The following GRM3 variants were observed in gnomAD, a reference collection of about 807,000 sequenced individuals.
GRM3 encodes glutamate metabotropic receptor 3.
GRM3 carries 26 observed loss-of-function variants against 70.5 expected under a neutral mutation model. The ratio of observed to expected loss-of-function variants is 0.37; its 90% CI spans 0.27 to 0.51. The LOEUF (loss-of-function observed/expected upper bound fraction) is 0.51, where lower values mean the gene tolerates loss of function less well. Ranked by LOEUF, GRM3 falls within the 20% of genes least tolerant of loss-of-function variation. GRM3 has a pLI of 0.93. For synonymous variants in GRM3, 443 were observed against 434.9 expected (o/e 1.02, Z -0.23); for missense variants, 859 against 1,123.8 (o/e 0.76, Z 3.37).
At chr7:86,692,105 T>G (rs1010617396) in intron 1 of GRM3, among the ~76,000 whole-genome samples, 2 of 152,180 alleles carry the variant, frequency 1.3e-5, no homozygotes, top group African/African-American at 2.4e-5. Flanking sequence ...ACAAAGGTAC[T>G]TTCACCTAGA....
rs1401970282 is a variant in GRM3, at chr7:86,668,167, G to A, written c.-141+23295G>A. 1.3e-5 allele frequency among the ~76,000 whole-genome samples: 2 copies of A among 152,104 alleles called. 1 individual carries two copies. The highest frequency in any genetic ancestry group is 4.1e-4 in the South Asian group (2 of 4,828). ...CATTATTTCAATTGTTGCTATGCTAGTAAGAGTAGCATGTTATAATATACT... is the reference window on the plus strand; with the variant it reads ...CATTATTTCAATTGTTGCTATGCTAATAAGAGTAGCATGTTATAATATACT... On this transcript the variant is annotated intron_variant, in intron 1 of 5. Coordinates refer to ENST00000361669, the MANE Select transcript of GRM3 (RefSeq NM_000840.3).
chr7:86,691,100 A>C (rs964659178), intron 1 of GRM3, among the ~76,000 whole-genome samples: 1 of 152,104 alleles, frequency 6.6e-6, no homozygotes, highest in Non-Finnish European at 1.5e-5. Flanking sequence ...TCTGAATTTC[A>C]CACTCCCTAG....
chr7:86,780,784 C>T (rs1269391960), intron 2 of GRM3, among the ~76,000 whole-genome samples: 10 of 152,034 alleles, frequency 6.6e-5, no homozygotes, highest in South Asian at 2.1e-4. Flanking sequence ...AGTCAGTAAA[C>T]GAATGTTTAT....
rs370395792 is a variant in GRM3 at position 86,704,606 on chromosome 7, G to A, written c.-141+59734G>A. Among the ~76,000 whole-genome samples, 71 of 151,766 alleles carry A rather than the reference G, an allele frequency of 4.7e-4. 2 individuals are homozygous for A. The South Asian group carries it at 0.011, about 24-fold the overall frequency. On this transcript the variant is annotated intron_variant, in intron 1 of 5. Coordinates refer to ENST00000361669, the MANE Select transcript of GRM3 (RefSeq NM_000840.3). ...AATGATGATTTATTCAACTTTAATC[G>A]GCTCAATATTAATTTCATGAATTTT... is the stretch of plus-strand genomic sequence containing the variant.
intron 1 of GRM3, among the ~76,000 whole-genome samples, chr7:86,737,132 A>C (rs1795881063): frequency 6.6e-6 from 1 of 152,184 alleles, no homozygotes; most frequent in African/African-American, 2.4e-5. Context: ...TGAAAACAGA[A>C]ATAAGCAAAA....
At chr7:86,733,035 C>T (rs536890346) in intron 1 of GRM3, among the ~76,000 whole-genome samples, 1 of 152,200 alleles carries the variant, frequency 6.6e-6, no homozygotes, top group East Asian at 1.9e-4. Context: ...GCTGAGATGG[C>T]CGGGCGTGGT....
chr7:86,697,413 A>C (rs1562829452), intron 1 of GRM3, among the ~76,000 whole-genome samples: 1 of 152,138 alleles, frequency 6.6e-6, no homozygotes, highest in Non-Finnish European at 1.5e-5. Flanking sequence ...TAATAAAGCA[A>C]GGTCAGTTTT....
intron 2 of GRM3, among the ~76,000 whole-genome samples, chr7:86,775,558 C>T (rs1396774078): frequency 6.6e-6 from 1 of 151,934 alleles, no homozygotes; most frequent in African/African-American, 2.4e-5. Flanking sequence ...TTGGTCATGT[C>T]ATTTCCTTAA....
chr7:86,667,824 C>G (rs1794064957), intron 1 of GRM3, among the ~76,000 whole-genome samples: 1 of 152,122 alleles, frequency 6.6e-6, no homozygotes, highest in Non-Finnish European at 1.5e-5. Flanking sequence ...CCTGTAATAC[C>G]AACTAGCATG....
chr7:86,788,785 T>C (rs1048013151), intron 3 of GRM3, among the ~76,000 whole-genome samples: 3 of 152,192 alleles, frequency 2.0e-5, no homozygotes, highest in Admixed American at 6.5e-5. Context: ...ATACTCCCCA[T>C]CAGACTACCC....
At chr7:86,816,195 A>G (rs1460571506) in intron 3 of GRM3, among the ~76,000 whole-genome samples, 1 of 151,922 alleles carries the variant, frequency 6.6e-6, no homozygotes, top group East Asian at 1.9e-4. Flanking sequence ...CAGAAATTAA[A>G]TGGGTAAACA....
intron 2 of GRM3, among the ~76,000 whole-genome samples, chr7:86,781,746 A>G (rs1310606942): frequency 2.0e-5 from 3 of 152,156 alleles, no homozygotes; most frequent in African/African-American, 4.8e-5. Context: ...GCTTTTTTCA[A>G]TGGCATTAAT....
intron 1 of GRM3, among the ~76,000 whole-genome samples, chr7:86,668,270 T>A (rs546853307): frequency 0.073 from 4,997 of 68,484 alleles, 263 homozygotes; most frequent in African/African-American, 0.3. Flanking sequence ...AATGTCAAAA[T>A]TTTTTTTTTT....
chr7:86,692,537 C>G (rs113797253), intron 1 of GRM3, among the ~76,000 whole-genome samples: 96 of 152,332 alleles, frequency 6.3e-4, no homozygotes, highest in African/African-American at 2.1e-3. Flanking sequence ...CACATATCCA[C>G]CTATGCACCT....
At chr7:86,660,663 T>A (rs1793869625) in intron 1 of GRM3, among the ~76,000 whole-genome samples, 1 of 151,506 alleles carries the variant, frequency 6.6e-6, no homozygotes, top group African/African-American at 2.4e-5. Flanking sequence ...TAGTAAAAAT[T>A]ATATCTATTT....
intron 2 of GRM3, among the ~76,000 whole-genome samples, chr7:86,785,686 T>TA: frequency 3.9e-5 from 1 of 25,820 alleles, no homozygotes; most frequent in Non-Finnish European, 7.6e-5. Context: ...ATAGAATTGA[T>TA]TTTTTTTTTT....
At chr7:86,705,642 C>T (rs568016412) in intron 1 of GRM3, among the ~76,000 whole-genome samples, 2 of 152,120 alleles carry the variant, frequency 1.3e-5, no homozygotes, top group African/African-American at 2.4e-5. Flanking sequence ...AGAGTCTTTT[C>T]CTTTGTTTTG....
At chr7:86,751,296 G>A (rs1049255143) in intron 1 of GRM3, among the ~76,000 whole-genome samples, 1 of 152,086 alleles carries the variant, frequency 6.6e-6, no homozygotes, top group Non-Finnish European at 1.5e-5. Flanking sequence ...CTCTTCAGAT[G>A]TGTCACACTG....
At chr7:86,663,154 A>C in intron 1 of GRM3, among the ~76,000 whole-genome samples, 1 of 151,914 alleles carries the variant, frequency 6.6e-6, no homozygotes. Context: ...AGAATAGAGA[A>C]TCTCAAGCTG....
Sources: gnomAD v4.1 joint callset for allele counts (sites outside exome capture counted in the v4.1 genomes callset) on GRCh38, gnomAD v4.1.1 for gene constraint, MANE v1.5 for transcripts, NCBI Gene and HGNC (gene_info 2026-07-23, HGNC 2026-07-21) for gene names.